TMEM135: variants seen among roughly 807,000 people sequenced by gnomAD.
The protein encoded by TMEM135 is peroxisomal membrane protein 52.
A neutral mutation model predicts 60.3 loss-of-function variants in TMEM135; 30 were observed. The observed-to-expected ratio is 0.50, with a 90% CI of 0.37 to 0.68. TMEM135 has a LOEUF of 0.68. Ranked by LOEUF, TMEM135 falls within the 30% of genes least tolerant of loss-of-function variation. The pLI is 0.00. For synonymous variants in TMEM135, 190 were observed against 186.7 expected (o/e 1.02, Z -0.14); for missense variants, 468 against 548.8 (o/e 0.85, Z 1.47).
At chr11:87,086,892 C>G (rs1264260148) in intron 3 of TMEM135, among the ~76,000 whole-genome samples, 1 of 152,186 alleles carries the variant, frequency 6.6e-6, no homozygotes, top group African/African-American at 2.4e-5. Flanking sequence ...AGGCATTTGA[C>G]TGCCTCCTGC....
intron 7 of TMEM135, among the ~76,000 whole-genome samples, chr11:87,297,789 G>A (rs1308176581): frequency 1.3e-5 from 2 of 152,158 alleles, no homozygotes; most frequent in African/African-American, 4.8e-5. Flanking sequence ...GTTAACTATT[G>A]TGAATGGTCA....
chr11:87,102,668 A>G (rs1284589826), intron 4 of TMEM135, among the ~76,000 whole-genome samples: 3 of 147,700 alleles, frequency 2.0e-5, no homozygotes, highest in African/African-American at 7.4e-5. Flanking sequence ...GTGCAATGTG[A>G]TGTTTTGATA....
intron 6 of TMEM135, among the ~76,000 whole-genome samples, chr11:87,263,003 GA>G (rs35379409): frequency 6.7e-6 from 1 of 150,234 alleles, no homozygotes. Context: ...AGTTTTCATG[GA>G]AAAAAAAAAC....
At chr11:87,122,380 G>T (rs1314989979) in intron 4 of TMEM135, among the ~76,000 whole-genome samples, 2 of 116,648 alleles carry the variant, frequency 1.7e-5, no homozygotes, top group African/African-American at 6.4e-5. Flanking sequence ...CTTTAAATTT[G>T]TCATCATAAA....
intron 4 of TMEM135, among the ~76,000 whole-genome samples, chr11:87,120,622 C>A (rs968748076): frequency 2.0e-5 from 3 of 151,864 alleles, no homozygotes; most frequent in Non-Finnish European, 4.4e-5. Context: ...CATGTGCCAC[C>A]GTGCCCAGAT....
intron 3 of TMEM135, among the ~76,000 whole-genome samples, chr11:87,073,789 T>TC (rs1856819237): frequency 6.6e-6 from 1 of 152,064 alleles, no homozygotes; most frequent in Admixed American, 6.6e-5. Flanking sequence ...TGCCTCAGCT[T>TC]CCCATGTAGC....
In TMEM135 at chr11:87,066,779, C is replaced by CTTT. The variant is rs201355341; in HGVS notation, c.142-914_142-912dup. ...TACATACTTGTGTTGTTACTAGATTCTTTCTTTTTTTTTTTTTTTTGAGAC... is the reference window on the plus strand; with the variant it reads ...TACATACTTGTGTTGTTACTAGATTCTTTTTTCTTTTTTTTTTTTTTTTGAGAC... On this transcript the variant is annotated intron_variant, in intron 1 of 14. Coordinates refer to ENST00000305494, the MANE Select transcript of TMEM135 (RefSeq NM_022918.4). 3.6e-4 allele frequency among the ~76,000 whole-genome samples: 47 copies of CTTT among 129,128 alleles called. 10 individuals carry two copies. Among genetic ancestry groups the CTTT allele is most frequent in the East Asian group, 4.8e-4 (2 of 4,174 alleles). The allele number at this position is 129,128 out of a possible 152,430, so 84.7% of individuals were successfully genotyped here. A position where few individuals can be genotyped will look rare whatever the true frequency, so the allele number is the denominator to read the frequency against.
At chr11:87,225,957 A>T (rs1397133061) in intron 5 of TMEM135, among the ~76,000 whole-genome samples, 2 of 151,914 alleles carry the variant, frequency 1.3e-5, no homozygotes, top group Non-Finnish European at 2.9e-5. Context: ...CTCCATGTTC[A>T]TTGGTTACTT....
chr11:87,141,784 A>G (rs573624639), intron 4 of TMEM135, among the ~76,000 whole-genome samples: 28 of 152,238 alleles, frequency 1.8e-4, no homozygotes, highest in Non-Finnish European at 3.8e-4. Context: ...AGAATAGGAA[A>G]AATTTTAAAA....
At chr11:87,274,366 G>T (rs301598) in intron 6 of TMEM135, among the ~76,000 whole-genome samples, 3 of 152,164 alleles carry the variant, frequency 2.0e-5, no homozygotes, top group African/African-American at 7.2e-5. Context: ...GCTTATAACA[G>T]TCTCTGCCCT....
chr11:87,113,728 C>A (rs1857809657), intron 4 of TMEM135, among the ~76,000 whole-genome samples: 1 of 117,874 alleles, frequency 8.5e-6, no homozygotes, highest in Non-Finnish European at 1.7e-5. Flanking sequence ...CTTTTCAGTA[C>A]TATTTCAGGA....
chr11:87,179,930 G>GT (rs1332043842), intron 5 of TMEM135, among the ~76,000 whole-genome samples: 2 of 146,174 alleles, frequency 1.4e-5, no homozygotes, highest in African/African-American at 5.3e-5. Flanking sequence ...CAAGTTTTCT[G>GT]TTTTTTTCTG....
chr11:87,043,852 C>A (rs1427572604), intron 1 of TMEM135, among the ~76,000 whole-genome samples: 7 of 152,024 alleles, frequency 4.6e-5, no homozygotes, highest in East Asian at 3.9e-4. Context: ...AGTATGGATT[C>A]TATGCTGTTG....
intron 6 of TMEM135, among the ~76,000 whole-genome samples, chr11:87,277,756 A>G (rs1941994529): frequency 6.6e-6 from 1 of 152,026 alleles, no homozygotes; most frequent in East Asian, 1.9e-4. Context: ...TCCTAACCTT[A>G]GGTGATCTGC....
chr11:87,230,723 G>A (rs137922960), intron 5 of TMEM135, among the ~76,000 whole-genome samples: 3 of 152,172 alleles, frequency 2.0e-5, no homozygotes, highest in Non-Finnish European at 2.9e-5. Flanking sequence ...GAGATGTCCA[G>A]TAGAACTTTT....
chr11:87,163,283 C>T (rs1174423614), intron 5 of TMEM135, among the ~76,000 whole-genome samples: 14 of 140,934 alleles, frequency 9.9e-5, no homozygotes, highest in Admixed American at 5.2e-4. Context: ...TGAGAATATG[C>T]GGTGTTTGGT....
chr11:87,140,835 T>C (rs1938241393), intron 4 of TMEM135, among the ~76,000 whole-genome samples: 1 of 152,210 alleles, frequency 6.6e-6, no homozygotes, highest in South Asian at 2.1e-4. Flanking sequence ...GAGGTTCATA[T>C]ATTTCCGTTT....
At chr11:87,167,769 C>CT (rs923686226) in intron 5 of TMEM135, among the ~76,000 whole-genome samples, 16 of 151,738 alleles carry the variant, frequency 1.1e-4, no homozygotes, top group African/African-American at 2.4e-4. Flanking sequence ...CTGAAATTTC[C>CT]TTTTTTTTGT....
At chr11:87,215,485 A>C (rs1436593066) in intron 5 of TMEM135, among the ~76,000 whole-genome samples, 1 of 152,134 alleles carries the variant, frequency 6.6e-6, no homozygotes, top group Non-Finnish European at 1.5e-5. Context: ...GTCACCTGTT[A>C]AGTTGGTCAT....
Sources: allele counts gnomAD v4.1 joint callset (sites outside exome capture counted in the v4.1 genomes callset), GRCh38; gene constraint gnomAD v4.1.1; transcripts MANE v1.5; gene names NCBI Gene and HGNC (gene_info 2026-07-23, HGNC 2026-07-21).